PDE7B: variants seen among roughly 807,000 people sequenced by gnomAD.
The protein encoded by PDE7B is 3',5'-cyclic-AMP phosphodiesterase 7B.
Under a neutral mutation model 56.2 loss-of-function variants are expected in PDE7B, and 29 were observed. The ratio of observed to expected loss-of-function variants is 0.52; its 90% CI spans 0.38 to 0.70. PDE7B has a LOEUF of 0.70. Ranked by LOEUF, PDE7B falls within the 30% of genes least tolerant of loss-of-function variation. PDE7B has a pLI of 0.00. For synonymous variants in PDE7B, 197 were observed against 196.9 expected, an observed-to-expected ratio of 1.00 and a Z score of 0.00; for missense variants, 490 against 565.0, an observed-to-expected ratio of 0.87 and a Z score of 1.35.
chr6:136,080,843 C>T (rs758011327), intron 2 of PDE7B, among the ~76,000 whole-genome samples: 2 of 152,038 alleles, frequency 1.3e-5, no homozygotes, highest in African/African-American at 2.4e-5. Flanking sequence ...CAAGATATGG[C>T]GATGAATGCT....
chr6:135,864,147 C>G (rs1418856448), intron 1 of PDE7B, among the ~76,000 whole-genome samples: 1 of 152,048 alleles, frequency 6.6e-6, no homozygotes, highest in African/African-American at 2.4e-5. Flanking sequence ...CAGGATGCAT[C>G]TATGACCTAA....
intron 8 of PDE7B, among the ~76,000 whole-genome samples, chr6:136,165,302 C>A (rs1307114245): frequency 6.6e-6 from 1 of 151,982 alleles, no homozygotes. Context: ...TGTGTGTTTC[C>A]AACTTTATTA....
chr6:136,055,026 C>T (rs577480276), intron 2 of PDE7B, among the ~76,000 whole-genome samples: 53 of 152,298 alleles, frequency 3.5e-4, no homozygotes, highest in Middle Eastern at 3.4e-3. Flanking sequence ...AGAGCCAAAC[C>T]ATATCACTGT....
chr6:135,938,190 C>T (rs1774453124), intron 1 of PDE7B, among the ~76,000 whole-genome samples: 1 of 152,128 alleles, frequency 6.6e-6, no homozygotes, highest in African/African-American at 2.4e-5. Context: ...TTCTATATTG[C>T]CTCCTGTTTT....
intron 8 of PDE7B, among the ~76,000 whole-genome samples, chr6:136,168,679 A>G (rs1031782880): frequency 1.3e-5 from 2 of 152,186 alleles, no homozygotes; most frequent in African/African-American, 4.8e-5. Flanking sequence ...GACACTATGT[A>G]GGAAAAACCA....
chr6:135,957,283 A>G (rs560302665), intron 2 of PDE7B, among the ~76,000 whole-genome samples: 1 of 152,288 alleles, frequency 6.6e-6, no homozygotes, highest in Non-Finnish European at 1.5e-5. Flanking sequence ...AGGTTAATTC[A>G]AAACTAATGT....
intron 2 of PDE7B, among the ~76,000 whole-genome samples, chr6:136,011,830 C>CA (rs879586182): frequency 4.7e-5 from 7 of 149,448 alleles, no homozygotes; most frequent in African/African-American, 7.4e-5. Flanking sequence ...TTACTTAAAA[C>CA]AAAAAAAAAG....
At chr6:136,148,952 A>G in intron 4 of PDE7B, 135 bp from the exon 5 acceptor site, 1 of 645,192 alleles carries the variant, frequency 1.5e-6, no homozygotes, top group Non-Finnish European at 2.8e-6. Context: ...GACATAGGGA[A>G]ACCATTCATT....
At chr6:136,004,440 A>G (rs1000726095) in intron 2 of PDE7B, among the ~76,000 whole-genome samples, 15 of 152,160 alleles carry the variant, frequency 9.9e-5, no homozygotes, top group Non-Finnish European at 1.5e-5. Context: ...ACATGATTGT[A>G]TATCTAGAAA....
intron 2 of PDE7B, chr6:136,047,275 G>C (rs754593289): frequency 1.3e-5 from 2 of 152,104 alleles, no homozygotes; most frequent in African/African-American, 4.8e-5. Flanking sequence ...CCAAATGACT[G>C]TAATACATGA....
At chr6:135,945,921 T>C (rs1774589198) in intron 1 of PDE7B, among the ~76,000 whole-genome samples, 1 of 152,146 alleles carries the variant, frequency 6.6e-6, no homozygotes, top group Admixed American at 6.5e-5. Flanking sequence ...TTTCAAAATA[T>C]TTGAAATGAA....
intron 2 of PDE7B, among the ~76,000 whole-genome samples, chr6:135,983,582 A>G (rs1775330692): frequency 2.0e-5 from 3 of 152,172 alleles, no homozygotes; most frequent in Non-Finnish European, 2.9e-5. Flanking sequence ...TTAAAATTCA[A>G]TTGAAATAAG....
intron 3 of PDE7B, among the ~76,000 whole-genome samples, chr6:136,110,363 C>T (rs915108632): frequency 6.6e-6 from 1 of 152,084 alleles, no homozygotes; most frequent in African/African-American, 2.4e-5. Context: ...AGTGGATTTC[C>T]AGGTCCTAGG....
chr6:136,029,560 A>G (rs1776205084), intron 2 of PDE7B, among the ~76,000 whole-genome samples: 1 of 152,216 alleles, frequency 6.6e-6, no homozygotes. Flanking sequence ...CAGGAAGATC[A>G]TGGAGGACAA....
rs1422226636 is a variant in PDE7B at position 135,888,843 on chromosome 6, G to A, written c.21+36824G>A. Among the ~76,000 whole-genome samples the A allele has an allele frequency of 2.0e-5, 3 of 152,116 alleles. No homozygotes were observed. In the East Asian group the frequency reaches 5.8e-4, roughly 29 times the overall value. ...TAATTCTGGTGTCCAGAAGATAAAT[G>A]TGATTAATATAATCTACCACAAGCA... On this transcript the variant is annotated intron_variant, in intron 1 of 12. Coordinates refer to ENST00000308191, the MANE Select transcript of PDE7B (RefSeq NM_018945.4).
At chr6:135,940,729 A>T (rs922438908) in intron 1 of PDE7B, among the ~76,000 whole-genome samples, 2 of 152,212 alleles carry the variant, frequency 1.3e-5, no homozygotes, top group African/African-American at 4.8e-5. Flanking sequence ...TTCGCCCTTC[A>T]TCAGCCCATT....
intron 1 of PDE7B, among the ~76,000 whole-genome samples, chr6:135,937,442 T>G (rs958434900): frequency 6.6e-6 from 1 of 152,212 alleles, no homozygotes; most frequent in Non-Finnish European, 1.5e-5. Flanking sequence ...CTAGCCATTC[T>G]TCATTTCCTT....
chr6:135,913,515 T>C (rs1562436734), intron 1 of PDE7B, among the ~76,000 whole-genome samples: 1 of 152,186 alleles, frequency 6.6e-6, no homozygotes, highest in Non-Finnish European at 1.5e-5. Context: ...GGCTTTGATC[T>C]TGCCAGTCTT....
At chr6:135,853,865 T>C (rs1774979128) in intron 1 of PDE7B, among the ~76,000 whole-genome samples, 2 of 152,204 alleles carry the variant, frequency 1.3e-5, no homozygotes, top group Admixed American at 6.5e-5. Context: ...AGCTACTCAC[T>C]GTCAGTTCTC....
Sources: allele counts gnomAD v4.1 joint callset (sites outside exome capture counted in the v4.1 genomes callset), GRCh38; gene constraint gnomAD v4.1.1; transcripts MANE v1.5; gene names NCBI Gene and HGNC (gene_info 2026-07-23, HGNC 2026-07-21).